SDCCAG8: variants seen among roughly 807,000 people sequenced by gnomAD.
SDCCAG8 encodes serologically defined colon cancer antigen 8.
SDCCAG8 carries 74 observed loss-of-function variants against 101.8 expected under a neutral mutation model. The observed-to-expected ratio is 0.73, with a 90% CI of 0.60 to 0.88. The LOEUF is 0.88. SDCCAG8 is among the 40% of genes least tolerant of loss of function. The probability of loss-of-function intolerance (pLI) is 0.00; values close to 1 mark genes in which losing one functional copy is unlikely to be tolerated. For missense variants in SDCCAG8, 787 were observed against 822.6 expected, an observed-to-expected ratio of 0.96 and a Z score of 0.53; for synonymous variants, 281 against 292.9, an observed-to-expected ratio of 0.96 and a Z score of 0.41.
At chr1:243,475,352 G>C (rs796137873) in intron 16 of SDCCAG8, among the ~76,000 whole-genome samples, 6 of 152,306 alleles carry the variant, frequency 3.9e-5, no homozygotes, top group African/African-American at 1.4e-4. Flanking sequence ...CACCAGGAGT[G>C]GGGGCTGTGA....
At chr1:243,330,278 C>T (rs866418212) in intron 9 of SDCCAG8, among the ~76,000 whole-genome samples, 4 of 151,764 alleles carry the variant, frequency 2.6e-5, no homozygotes, top group African/African-American at 7.3e-5. Flanking sequence ...CATCTGTGGC[C>T]GTCATCAAGG....
intron 16 of SDCCAG8, among the ~76,000 whole-genome samples, chr1:243,480,675 A>G (rs1574301894): frequency 2.1e-5 from 2 of 95,324 alleles, no homozygotes; most frequent in African/African-American, 4.5e-5. Context: ...GGATGGATGG[A>G]TGGGTGGGAT....
chr1:243,399,909 C>T (rs915408786), intron 13 of SDCCAG8, among the ~76,000 whole-genome samples: 1 of 152,154 alleles, frequency 6.6e-6, no homozygotes, highest in East Asian at 1.9e-4. Flanking sequence ...CCCACATAAC[C>T]CTACCAGGTA....
intron 6 of SDCCAG8, among the ~76,000 whole-genome samples, chr1:243,299,474 C>T (rs763855831): frequency 1.1e-4 from 16 of 151,478 alleles, no homozygotes; most frequent in Admixed American, 2.0e-4. Flanking sequence ...AGTGCAATGG[C>T]ATGATCTTGG....
At chr1:243,490,521 T>C (rs1666145293) in intron 17 of SDCCAG8, among the ~76,000 whole-genome samples, 1 of 152,232 alleles carries the variant, frequency 6.6e-6, no homozygotes, top group South Asian at 2.1e-4. Flanking sequence ...TATTCCAGGT[T>C]GTGTCACTGT....
chr1:243,468,585 A>T (rs1362822514), intron 16 of SDCCAG8, among the ~76,000 whole-genome samples: 2 of 152,276 alleles, frequency 1.3e-5, no homozygotes, highest in African/African-American at 2.4e-5. Flanking sequence ...GCTTTGGGAG[A>T]CCAAGGTGGG....
At chr1:243,407,346 A>G (rs150495769) in intron 13 of SDCCAG8, among the ~76,000 whole-genome samples, 256 of 152,294 alleles carry the variant, frequency 1.7e-3, no homozygotes, top group Middle Eastern at 6.8e-3. Flanking sequence ...GAGACACTTT[A>G]TCTATCAAAC....
intron 11 of SDCCAG8, among the ~76,000 whole-genome samples, chr1:243,343,640 T>C (rs541826482): frequency 2.8e-4 from 42 of 152,344 alleles, no homozygotes; most frequent in African/African-American, 9.9e-4. Context: ...CAGAAAATCT[T>C]CCTTAACTTG....
At chr1:243,266,537 C>G (rs1321551203) in intron 1 of SDCCAG8, among the ~76,000 whole-genome samples, 1 of 151,874 alleles carries the variant, frequency 6.6e-6, no homozygotes, top group African/African-American at 2.4e-5. Context: ...TCAGGCTGGT[C>G]TTGAACTCTT....
intron 16 of SDCCAG8, among the ~76,000 whole-genome samples, chr1:243,453,155 G>T (rs2083489048): frequency 6.6e-6 from 1 of 152,212 alleles, no homozygotes; most frequent in Admixed American, 6.5e-5. Flanking sequence ...GGGTGCAGGA[G>T]GTGATCAACA....
At chr1:243,427,011 C>T (rs1231970097) in intron 16 of SDCCAG8, among the ~76,000 whole-genome samples, 2 of 152,210 alleles carry the variant, frequency 1.3e-5, no homozygotes, top group Non-Finnish European at 2.9e-5. Context: ...ACAAAACCTT[C>T]ACTTCTTTCT....
chr1:243,481,782 C>T (rs891085753), intron 16 of SDCCAG8, among the ~76,000 whole-genome samples: 5 of 152,140 alleles, frequency 3.3e-5, no homozygotes, highest in African/African-American at 9.7e-5. Flanking sequence ...CCACTACCAC[C>T]AAAACCAAAC....
At chr1:243,376,707 A>G (rs568183502) in intron 12 of SDCCAG8, among the ~76,000 whole-genome samples, 4 of 151,490 alleles carry the variant, frequency 2.6e-5, no homozygotes, top group African/African-American at 9.7e-5. Flanking sequence ...TAAAATCACC[A>G]TTTTCTCTTT....
intron 16 of SDCCAG8, chr1:243,475,953 C>T: frequency 1.0e-6 from 1 of 985,422 alleles, no homozygotes; most frequent in East Asian, 1.1e-4. Flanking sequence ...GGGCAGGCTC[C>T]ATCTCGTCTG....
intron 15 of SDCCAG8, among the ~76,000 whole-genome samples, chr1:243,421,377 A>C (rs1204340902): frequency 1.3e-5 from 2 of 152,088 alleles, no homozygotes; most frequent in Non-Finnish European, 2.9e-5. Context: ...GTACGCCCTT[A>C]CTCTCTGCCC....
intron 15 of SDCCAG8, among the ~76,000 whole-genome samples, chr1:243,422,220 G>GT (rs2081057295): frequency 6.6e-6 from 1 of 152,204 alleles, no homozygotes; most frequent in African/African-American, 2.4e-5. Context: ...GTGTATTTGT[G>GT]ATTTGCGTTT....
At chr1:243,348,034 T>TTC (rs2075826288) in intron 12 of SDCCAG8, among the ~76,000 whole-genome samples, 1 of 146,582 alleles carries the variant, frequency 6.8e-6, no homozygotes. Flanking sequence ...TTTTTTTTTT[T>TTC]TTCTTTTTTT....
intron 16 of SDCCAG8, among the ~76,000 whole-genome samples, chr1:243,480,698 GGGAT>G (rs1391017275): frequency 4.3e-4 from 23 of 53,796 alleles, no homozygotes; most frequent in African/African-American, 1.8e-3. Flanking sequence ...ATGGATGGGT[GGGAT>G]GGATGGATGG....
At chr1:243,482,199 T>A (rs1458449820) in intron 16 of SDCCAG8, among the ~76,000 whole-genome samples, 1 of 152,252 alleles carries the variant, frequency 6.6e-6, no homozygotes, top group Admixed American at 6.5e-5. Flanking sequence ...CCCAGCCCAC[T>A]CAGCTCTATA....
Sources: allele counts gnomAD v4.1 joint callset (sites outside exome capture counted in the v4.1 genomes callset), GRCh38; gene constraint gnomAD v4.1.1; transcripts MANE v1.5; gene names NCBI Gene and HGNC (gene_info 2026-07-23, HGNC 2026-07-21).